Variants in CIMAP2 observed in about 807,000 individuals in gnomAD.
The protein encoded by CIMAP2 is ciliary microtubule associated protein 2.
the CIMAP2 span, chr1:54,807,980 C>G: frequency 3.1e-6 from 5 of 1,596,804 alleles, no homozygotes; most frequent in Non-Finnish European, 4.3e-6. Flanking sequence ...CTGCTCAGCT[C>G]TGGGGAGGTT....
At chr1:54,816,561 G>A in the CIMAP2 span, among the ~76,000 whole-genome samples, 3 of 152,176 alleles carry the variant, frequency 2.0e-5, no homozygotes, top group African/African-American at 7.2e-5. Context: ...CAAGGCGTCT[G>A]CAGGTCCGTG....
the CIMAP2 span, chr1:54,807,921 CAA>C: frequency 6.2e-7 from 1 of 1,607,616 alleles, no homozygotes; most frequent in African/African-American, 1.3e-5. Flanking sequence ...CCTACAACCT[CAA>C]AGACTTCTTA....
At chr1:54,806,128 C>G in the CIMAP2 span, 5 of 1,541,720 alleles carry the variant, frequency 3.2e-6, no homozygotes, top group Non-Finnish European at 4.4e-6. Flanking sequence ...TGAGGGAAAG[C>G]CAGGATGCCG....
chr1:54,825,788 C>G, the CIMAP2 span, among the ~76,000 whole-genome samples: 5 of 152,072 alleles, frequency 3.3e-5, no homozygotes, highest in Non-Finnish European at 1.5e-5. Flanking sequence ...GGCAATGGGC[C>G]AAACTTCTAC....
the CIMAP2 span, chr1:54,807,215 C>G: frequency 2.9e-6 from 3 of 1,024,434 alleles, no homozygotes; most frequent in Non-Finnish European, 4.5e-6. Flanking sequence ...AGAGCTGGAC[C>G]CACAGTGGGG....
the CIMAP2 span, among the ~76,000 whole-genome samples, chr1:54,825,545 TG>T: frequency 2.0e-5 from 3 of 151,844 alleles, no homozygotes; most frequent in Non-Finnish European, 4.4e-5. Flanking sequence ...TTGCTGGGGG[TG>T]GGGGTGCCAG....
the CIMAP2 span, chr1:54,811,765 G>GCCGGGGGGGGGGCCCCCCCCCCCCCCCC: frequency 7.7e-6 from 10 of 1,301,316 alleles, no homozygotes; most frequent in Non-Finnish European, 1.1e-5. Context: ...GGTTCTGACA[G>GCCGGGGGGGGGGCCCCCCCCCCCCCCCC]CCTCCATGCC....
the CIMAP2 span, chr1:54,807,901 G>A: frequency 6.3e-7 from 1 of 1,586,454 alleles, no homozygotes; most frequent in Non-Finnish European, 8.5e-7. Flanking sequence ...GCAAAAGCTG[G>A]GCCCCGGCTC....
At chr1:54,811,766 C>CGGGGGGGGGGGGGGGGGGGGGGGGGGGGG in the CIMAP2 span, 1 of 1,305,190 alleles carries the variant, frequency 7.7e-7, no homozygotes. Flanking sequence ...GTTCTGACAG[C>CGGGGGGGGGGGGGGGGGGGGGGGGGGGGG]CTCCATGCCC....
At chr1:54,807,250 G>A in the CIMAP2 span, among the ~76,000 whole-genome samples, 202 of 152,332 alleles carry the variant, frequency 1.3e-3, 1 homozygote, top group African/African-American at 4.7e-3. Flanking sequence ...TGATAAACGA[G>A]GGACTGCAGC....
chr1:54,823,035 A>G, the CIMAP2 span, among the ~76,000 whole-genome samples: 1 of 152,196 alleles, frequency 6.6e-6, no homozygotes, highest in Non-Finnish European at 1.5e-5. Flanking sequence ...GATGAGAAGA[A>G]TGTGTATTCT....
At chr1:54,838,340 G>A in the CIMAP2 span, among the ~76,000 whole-genome samples, 17 of 152,018 alleles carry the variant, frequency 1.1e-4, no homozygotes, top group South Asian at 6.2e-4. Flanking sequence ...AAAATTAGCC[G>A]GGTGCGGTGG....
the CIMAP2 span, among the ~76,000 whole-genome samples, chr1:54,811,252 G>A: frequency 1.0e-3 from 153 of 152,306 alleles, no homozygotes; most frequent in African/African-American, 3.5e-3. Flanking sequence ...AAGCCCTCAT[G>A]TCACGCAGGG....
the CIMAP2 span, among the ~76,000 whole-genome samples, chr1:54,818,628 G>GA: frequency 3.9e-3 from 586 of 152,014 alleles, 13 homozygotes; most frequent in Admixed American, 0.033. Context: ...GTCTCACTCT[G>GA]ACGCCCAGCC....
At chr1:54,811,466 G>T in the CIMAP2 span, among the ~76,000 whole-genome samples, 3 of 152,158 alleles carry the variant, frequency 2.0e-5, no homozygotes, top group African/African-American at 4.8e-5. Flanking sequence ...AGGGAAGAAG[G>T]TTGGGCAGAA....
At chr1:54,822,765 C>T in the CIMAP2 span, among the ~76,000 whole-genome samples, 1 of 152,210 alleles carries the variant, frequency 6.6e-6, no homozygotes, top group Admixed American at 6.5e-5. Flanking sequence ...TTCAGCCTCT[C>T]AAAGTGCTGG....
the CIMAP2 span, chr1:54,807,636 G>T: frequency 1.2e-6 from 2 of 1,611,148 alleles, no homozygotes. Flanking sequence ...CCACGCGGCT[G>T]ACCCAGCTAC....
At chr1:54,832,439 A>G in the CIMAP2 span, among the ~76,000 whole-genome samples, 1 of 152,216 alleles carries the variant, frequency 6.6e-6, no homozygotes, top group Non-Finnish European at 1.5e-5. Context: ...AAGTTAACAC[A>G]AAAGGATAAC....
chr1:54,826,268 G>A, the CIMAP2 span, among the ~76,000 whole-genome samples: 11 of 152,252 alleles, frequency 7.2e-5, no homozygotes, highest in African/African-American at 2.4e-4. Context: ...CAGGCTCTGG[G>A]GAGCACAAAC....
Sources: gnomAD v4.1 joint callset for allele counts (sites outside exome capture counted in the v4.1 genomes callset) on GRCh38, gnomAD v4.1.1 for gene constraint, MANE v1.5 for transcripts, NCBI Gene and HGNC (gene_info 2026-07-23, HGNC 2026-07-21) for gene names.